CFDP1: variants seen among roughly 807,000 people sequenced by gnomAD.
CFDP1 encodes heterochromatin-stabilizing protein CFDP1.
In CFDP1, 31 loss-of-function variants were observed where a neutral mutation model predicts 40.1. That is an observed-to-expected ratio of 0.77 (90% CI 0.58 to 1.04). CFDP1 has a LOEUF of 1.04. Among genes scored for constraint, CFDP1 ranks in the 50% least tolerant of loss-of-function variants. The pLI is 0.00. For missense variants in CFDP1, 423 were observed against 343.4 expected (o/e 1.23, Z -1.83); for synonymous variants, 167 against 120.0 (o/e 1.39, Z -2.56).
intron 4 of CFDP1, 70 bp downstream of exon 4, chr16:75,411,755 C>T: frequency 4.9e-6 from 7 of 1,425,402 alleles, no homozygotes; most frequent in South Asian, 3.7e-5. Context: ...GGATAGATGG[C>T]TAACACCAGT....
At chr16:75,300,365 G>A (rs762639176) in intron 6 of CFDP1, among the ~76,000 whole-genome samples, 1 of 152,098 alleles carries the variant, frequency 6.6e-6, no homozygotes, top group Non-Finnish European at 1.5e-5. Flanking sequence ...TTGGCTCATT[G>A]CAACCTCCGC....
At chr16:75,405,727 G>A (rs1461023109) in intron 4 of CFDP1, among the ~76,000 whole-genome samples, 1 of 145,862 alleles carries the variant, frequency 6.9e-6, no homozygotes, top group Non-Finnish European at 1.5e-5. Flanking sequence ...TCCAGCCTGG[G>A]TGACAGAGTG....
At chr16:75,393,742 A>C (rs1156965779) in intron 5 of CFDP1, among the ~76,000 whole-genome samples, 34 of 3,072 alleles carry the variant, frequency 0.011, no homozygotes, top group Admixed American at 0.028. Flanking sequence ...CGTCGCAAAA[A>C]AAAAAAAAAA....
intron 5 of CFDP1, among the ~76,000 whole-genome samples, chr16:75,365,568 ACAGT>A (rs1410885701): frequency 1.3e-5 from 2 of 152,296 alleles, no homozygotes; most frequent in Middle Eastern, 3.4e-3. Flanking sequence ...AATAAGATAC[ACAGT>A]CAGGCATAGT....
At chr16:75,379,090 A>AGT (rs34666406) in intron 5 of CFDP1, among the ~76,000 whole-genome samples, 79,025 of 151,196 alleles carry the variant, frequency 0.52, 21,582 homozygotes, top group Admixed American at 0.64. Flanking sequence ...TAGCTAAAGC[A>AGT]GTGTGAGGGA....
rs933647133 is a variant in CFDP1, at chr16:75,397,060, C to T, written c.531-1851G>A. Among the ~76,000 whole-genome samples, 36 of 152,036 alleles carry T rather than the reference C, an allele frequency of 2.4e-4. 1 individual carries two copies. The highest frequency in any genetic ancestry group is 2.0e-4 in the East Asian group (1 of 5,110). On this transcript the variant is annotated intron_variant, in intron 4 of 6. Transcript: ENST00000283882. ...TCCCAAGCAGCTGGGACTACGGGTG[C>T]CCGCCACCACGCCCAGCTAATTTTT...
intron 5 of CFDP1, among the ~76,000 whole-genome samples, chr16:75,322,511 T>C (rs185453726): frequency 6.6e-6 from 1 of 152,298 alleles, no homozygotes; most frequent in African/African-American, 2.4e-5. Flanking sequence ...CAAATCTGTA[T>C]AGCATGTTAC....
chr16:75,415,804 T>C (rs1043924712), intron 1 of CFDP1, among the ~76,000 whole-genome samples: 1 of 152,208 alleles, frequency 6.6e-6, no homozygotes, highest in African/African-American at 2.4e-5. Context: ...TTGTTTCCAA[T>C]TTGGAGTCAT....
intron 5 of CFDP1, among the ~76,000 whole-genome samples, chr16:75,355,476 ATC>A (rs2078639421): frequency 6.6e-6 from 1 of 152,214 alleles, no homozygotes; most frequent in African/African-American, 2.4e-5. Context: ...AGTAGATTCC[ATC>A]TTAAGAAACC....
chr16:75,404,086 C>T (rs2079078467), intron 4 of CFDP1, among the ~76,000 whole-genome samples: 1 of 151,360 alleles, frequency 6.6e-6, no homozygotes, highest in Non-Finnish European at 1.5e-5. Flanking sequence ...GAGCTGAGAT[C>T]GCACCACTGC....
chr16:75,395,812 A>G (rs1226459987), intron 4 of CFDP1, among the ~76,000 whole-genome samples: 1 of 152,154 alleles, frequency 6.6e-6, no homozygotes, highest in African/African-American at 2.4e-5. Flanking sequence ...AATGGACGAA[A>G]GCAACATGAC....
chr16:75,334,518 G>C (rs1273159647), intron 5 of CFDP1, among the ~76,000 whole-genome samples: 1 of 151,180 alleles, frequency 6.6e-6, no homozygotes, highest in African/African-American at 2.4e-5. Flanking sequence ...AGCGCAGAGG[G>C]TGGAGGAGGT....
At chr16:75,430,877 A>T (rs2079404935) in intron 1 of CFDP1, among the ~76,000 whole-genome samples, 1 of 152,212 alleles carries the variant, frequency 6.6e-6, no homozygotes, top group Non-Finnish European at 1.5e-5. Context: ...TGTCAGAGAC[A>T]TACAATGAGG....
chr16:75,376,322 T>G (rs2078796086), intron 5 of CFDP1, among the ~76,000 whole-genome samples: 3 of 152,150 alleles, frequency 2.0e-5, no homozygotes, highest in Admixed American at 2.0e-4. Flanking sequence ...AACATATGTC[T>G]TCAAAAAGAT....
chr16:75,410,908 C>CAAA (rs74355496), intron 4 of CFDP1, among the ~76,000 whole-genome samples: 10 of 62,574 alleles, frequency 1.6e-4, no homozygotes, highest in African/African-American at 3.9e-4. Flanking sequence ...GACTCTGTCT[C>CAAA]AAAAAAAAAA....
chr16:75,395,064 T>C, intron 5 of CFDP1, 26 bp downstream of exon 5: 11 of 1,612,950 alleles, frequency 6.8e-6, no homozygotes, highest in Non-Finnish European at 9.3e-6. Context: ...GCCAAGTACA[T>C]CAGGGAGTGA....
intron 6 of CFDP1, among the ~76,000 whole-genome samples, chr16:75,301,592 G>A (rs1257126782): frequency 1.0e-5 from 1 of 99,312 alleles, no homozygotes; most frequent in Non-Finnish European, 1.9e-5. Context: ...TTTCTCTGTT[G>A]TCCAGGCTGG....
At chr16:75,405,096 C>A (rs949139805) in intron 4 of CFDP1, among the ~76,000 whole-genome samples, 2 of 152,132 alleles carry the variant, frequency 1.3e-5, no homozygotes, top group Admixed American at 6.5e-5. Flanking sequence ...TCACAATACT[C>A]AAGACATGAG....
chr16:75,302,884 C>T (rs2078230463), intron 6 of CFDP1, among the ~76,000 whole-genome samples: 3 of 152,158 alleles, frequency 2.0e-5, no homozygotes, highest in African/African-American at 4.8e-5. Context: ...TAAACAAGCT[C>T]ATGAAGCTGT....
Sources: allele counts gnomAD v4.1 joint callset (sites outside exome capture counted in the v4.1 genomes callset), GRCh38; gene constraint gnomAD v4.1.1; transcripts MANE v1.5; gene names NCBI Gene and HGNC (gene_info 2026-07-23, HGNC 2026-07-21).